The following STIM2 variants were observed in gnomAD, a reference collection of about 807,000 sequenced individuals.
STIM2 encodes the protein stromal interaction molecule 2.
STIM2 carries 31 observed loss-of-function variants against 85.8 expected under a neutral mutation model. The ratio of observed to expected loss-of-function variants is 0.36; its 90% CI spans 0.27 to 0.49. STIM2 has a LOEUF of 0.49. STIM2 is among the 20% of genes least tolerant of loss of function. STIM2 has a pLI of 0.98. For missense variants in STIM2, 841 were observed against 927.6 expected (o/e 0.91, Z 1.21); for synonymous variants, 356 against 331.1 (o/e 1.08, Z -0.82).
Position 26,904,227 on chromosome 4 carries a change from G to GT in STIM2, c.152-15271dup, listed in dbSNP as rs1440030276. On this transcript the variant is annotated intron_variant, in intron 1 of 11. Transcript: ENST00000467087. ...AGGAATGGCATGTACAGGCTGGCAG[G>GT]TTTTTTGTTTGTTTCTTTGTTTTGT... 3.3e-5 allele frequency among the ~76,000 whole-genome samples: 5 copies of GT among 151,396 alleles called. No homozygotes were observed. The East Asian group carries it at 7.8e-4, about 24-fold the overall frequency.
In STIM2 at chr4:26,970,199, GTA is replaced by G. The variant is rs67648567; in HGVS notation, c.397+12495_397+12496del. 8.7e-3 allele frequency among the ~76,000 whole-genome samples: 796 copies of G among 91,110 alleles called. 6 individuals carry two copies. Among genetic ancestry groups the G allele is most frequent in the African/African-American group, 0.028 (747 of 26,552 alleles). 59.8% of individuals were successfully genotyped at this position (91,110 alleles called of 152,430 possible). A position where few individuals can be genotyped will look rare whatever the true frequency, so the allele number is the denominator to read the frequency against. ...ATATTGTTTCGGTTTTAGTGTGTGTGTATATATATATATATATATATATGTAT... is the reference window on the plus strand; with the variant it reads ...ATATTGTTTCGGTTTTAGTGTGTGTGTATATATATATATATATATATGTAT... On this transcript the variant is annotated intron_variant, in intron 3 of 11. Coordinates refer to ENST00000467087, the MANE Select transcript of STIM2 (RefSeq NM_020860.4).
chr4:26,866,911 A>G (rs1722430194), intron 1 of STIM2, among the ~76,000 whole-genome samples: 1 of 152,198 alleles, frequency 6.6e-6, no homozygotes, highest in Non-Finnish European at 1.5e-5. Context: ...TGTTTTGTTA[A>G]TAAACTCTTG....
At chr4:26,943,722 G>A (rs1725707379) in intron 2 of STIM2, among the ~76,000 whole-genome samples, 1 of 151,908 alleles carries the variant, frequency 6.6e-6, no homozygotes, top group South Asian at 2.1e-4. Flanking sequence ...GAAATATTTT[G>A]TTGTTACTTT....
intron 5 of STIM2, 133 bp from the exon 6 acceptor site, chr4:27,002,084 G>C (rs1728174403): frequency 1.2e-5 from 9 of 727,560 alleles, no homozygotes; most frequent in African/African-American, 1.8e-5. Flanking sequence ...ATTTTAAAAG[G>C]CTAGAGCTTG....
At position 27,008,833 on chromosome 4, in the gene STIM2, C is replaced by T. The variant is rs769362552; in HGVS notation, c.1320C>T (p.Ile440=). The T allele has an allele frequency of 6.2e-7, 1 of 1,614,048 alleles. No individual in the cohort carries two copies. Among genetic ancestry groups the T allele is most frequent in the Non-Finnish European group, 8.5e-7 (1 of 1,180,026 alleles). The change falls in exon 10 of 12, where the codon ATC becomes ATT. Residue 440 remains isoleucine (I), a synonymous_variant. Coordinates refer to ENST00000467087, the MANE Select transcript of STIM2 (RefSeq NM_020860.4). ...TTCGCTGGCAACAAATTGAGAAGAT[C>T]TGTGGCTTTCAGATAGCCCATAACT...
intron 1 of STIM2, among the ~76,000 whole-genome samples, chr4:26,908,157 G>A (rs562629918): frequency 4.6e-5 from 7 of 152,148 alleles, no homozygotes; most frequent in Non-Finnish European, 7.3e-5. Flanking sequence ...TGCTTTGGAG[G>A]TTATACTTCT....
chr4:27,023,793 A>G lies in STIM2; in HGVS notation c.*797A>G, dbSNP rs1389523355. ...GAGAAGGCTCTTGATTCCTTATGCA[A>G]GTGGAAGAGTTGAAACTTGATTGAA... is the stretch of plus-strand genomic sequence containing the variant. On this transcript the variant is annotated 3_prime_UTR_variant, in exon 12 of 12. Coordinates refer to ENST00000467087, the MANE Select transcript of STIM2 (RefSeq NM_020860.4). 6.5e-6 allele frequency: 1 copy of G among 152,676 alleles called. No individual in the cohort carries two copies. The highest frequency in any genetic ancestry group is 6.5e-5 in the Admixed American group (1 of 15,284). The allele number at this position is 152,676 out of a possible 1,614,324, so 9.5% of individuals were successfully genotyped here.
intron 7 of STIM2, among the ~76,000 whole-genome samples, chr4:27,003,634 A>G (rs1728233939): frequency 6.6e-6 from 1 of 152,044 alleles, no homozygotes; most frequent in South Asian, 2.1e-4. Context: ...TGCTGGCAGA[A>G]TTTAATTATA....
At chr4:26,897,465 T>C (rs1723750566) in intron 1 of STIM2, among the ~76,000 whole-genome samples, 1 of 152,220 alleles carries the variant, frequency 6.6e-6, no homozygotes, top group Non-Finnish European at 1.5e-5. Context: ...TGGAATTTGA[T>C]TGGATTTTAC....
chr4:26,987,607 C>T (rs1175189420), intron 3 of STIM2, among the ~76,000 whole-genome samples: 1 of 152,182 alleles, frequency 6.6e-6, no homozygotes, highest in Non-Finnish European at 1.5e-5. Flanking sequence ...AATCTCCTGG[C>T]TGTTTGAAAT....
At chr4:26,948,521 G>A (rs562050714) in intron 2 of STIM2, among the ~76,000 whole-genome samples, 15 of 152,260 alleles carry the variant, frequency 9.9e-5, no homozygotes, top group South Asian at 6.2e-4. Flanking sequence ...CTAGTATTTC[G>A]GGAGGCAAGT....
intron 3 of STIM2, among the ~76,000 whole-genome samples, chr4:26,964,095 G>A (rs548024517): frequency 6.6e-6 from 1 of 152,276 alleles, no homozygotes; most frequent in Middle Eastern, 3.4e-3. Context: ...ATTGCTGGAA[G>A]AGGCAGCTGA....
chr4:26,989,851 A>G (rs1490823411), intron 3 of STIM2, among the ~76,000 whole-genome samples: 3 of 152,160 alleles, frequency 2.0e-5, no homozygotes, highest in Admixed American at 6.5e-5. Context: ...CAAGAAAGCA[A>G]TCTTCTTTAC....
intron 4 of STIM2, among the ~76,000 whole-genome samples, chr4:26,997,850 G>A (rs1484240111): frequency 6.6e-6 from 1 of 152,138 alleles, no homozygotes; most frequent in African/African-American, 2.4e-5. Context: ...GAGAGGGAAT[G>A]TTACAGTTCT....
intron 2 of STIM2, among the ~76,000 whole-genome samples, chr4:26,949,448 A>G (rs1266869943): frequency 6.6e-6 from 1 of 152,220 alleles, no homozygotes; most frequent in East Asian, 1.9e-4. Context: ...ACTCATCATT[A>G]AAATTATAAG....
chr4:26,967,445 A>AGT (rs1463319898), intron 3 of STIM2, among the ~76,000 whole-genome samples: 1 of 152,202 alleles, frequency 6.6e-6, no homozygotes, highest in Non-Finnish European at 1.5e-5. Context: ...AGGAAGGCAC[A>AGT]GTGTCATGAG....
At chr4:26,933,248 T>C (rs1725267389) in intron 2 of STIM2, among the ~76,000 whole-genome samples, 1 of 152,168 alleles carries the variant, frequency 6.6e-6, no homozygotes, top group South Asian at 2.1e-4. Context: ...TCTGTTCTTA[T>C]GAAAACATTT....
At chr4:26,919,011 G>T (rs1307040150) in intron 1 of STIM2, among the ~76,000 whole-genome samples, 1 of 151,972 alleles carries the variant, frequency 6.6e-6, no homozygotes, top group African/African-American at 2.4e-5. Flanking sequence ...GAAACAAAAG[G>T]GTCATGTGAC....
chr4:27,018,828 C>T (rs989646420), intron 11 of STIM2, among the ~76,000 whole-genome samples: 21 of 152,152 alleles, frequency 1.4e-4, no homozygotes, highest in African/African-American at 5.1e-4. Flanking sequence ...GAAGAAATAT[C>T]GGATATGACT....
Sources: gnomAD v4.1 joint callset for allele counts (sites outside exome capture counted in the v4.1 genomes callset) on GRCh38, gnomAD v4.1.1 for gene constraint, MANE v1.5 for transcripts, NCBI Gene and HGNC (gene_info 2026-07-23, HGNC 2026-07-21) for gene names.